ASTN1: variants seen among roughly 807,000 people sequenced by gnomAD.
ASTN1 encodes astrotactin-1.
ASTN1 carries 41 observed loss-of-function variants against 140.7 expected under a neutral mutation model. That is an observed-to-expected ratio of 0.29 (90% CI 0.23 to 0.38). The LOEUF is 0.38. Among genes scored for constraint, ASTN1 ranks in the 10% least tolerant of loss-of-function variants. The pLI is 1.00. For synonymous variants in ASTN1, 640 were observed against 652.2 expected (o/e 0.98, Z 0.29); for missense variants, 1,479 against 1,678.8 (o/e 0.88, Z 2.08).
At chr1:177,031,517 T>G (rs563613658) in intron 3 of ASTN1, among the ~76,000 whole-genome samples, 66 of 152,368 alleles carry the variant, frequency 4.3e-4, no homozygotes, top group South Asian at 2.3e-3. Context: ...GAAGAGATGT[T>G]GATGATATGT....
chr1:176,984,754 G>T (rs1311981193), intron 8 of ASTN1, among the ~76,000 whole-genome samples: 1 of 152,042 alleles, frequency 6.6e-6, no homozygotes, highest in African/African-American at 2.4e-5. Context: ...GACAAAACAG[G>T]GCAAGCATAA....
intron 1 of ASTN1, among the ~76,000 whole-genome samples, chr1:177,072,454 AG>A (rs1365016409): frequency 6.6e-6 from 1 of 152,126 alleles, no homozygotes; most frequent in African/African-American, 2.4e-5. Flanking sequence ...TCATCACTGA[AG>A]GGGTTAAGAT....
intron 1 of ASTN1, among the ~76,000 whole-genome samples, chr1:177,128,236 C>T (rs918340377): frequency 1.3e-5 from 2 of 152,058 alleles, no homozygotes; most frequent in African/African-American, 4.8e-5. Flanking sequence ...TCTCACAAGC[C>T]TTTCTGAAGA....
chr1:176,950,457 G>A (rs116387548), intron 11 of ASTN1, among the ~76,000 whole-genome samples: 293 of 152,226 alleles, frequency 1.9e-3, no homozygotes, highest in Middle Eastern at 0.01. Flanking sequence ...CTTATGAGGA[G>A]CTTGGCACTA....
intron 16 of ASTN1, among the ~76,000 whole-genome samples, chr1:176,919,837 C>G (rs1670655747): frequency 1.3e-5 from 2 of 152,188 alleles, no homozygotes; most frequent in Admixed American, 6.5e-5. Context: ...GCGGAATAAA[C>G]CTGACTGAAG....
chr1:177,014,778 T>C lies in ASTN1; in HGVS notation c.1523+13A>G. 4.4e-6 allele frequency: 7 copies of C among 1,609,174 alleles called. No homozygotes were observed. The highest frequency in any genetic ancestry group is 6.0e-6 in the Non-Finnish European group (7 of 1,175,588). ...TATGTGGGAACCAGCTAAGTCGTCATGCCCTCACTTACCCCTGGTTTGTCC... is the reference window on the plus strand; with the variant it reads ...TATGTGGGAACCAGCTAAGTCGTCACGCCCTCACTTACCCCTGGTTTGTCC... On this transcript the variant is annotated intron_variant, in intron 8 of 22. Coordinates refer to ENST00000361833, the MANE Select transcript of ASTN1 (RefSeq NM_004319.3).
chr1:177,012,450 T>C (rs1035695868), intron 8 of ASTN1, among the ~76,000 whole-genome samples: 1 of 152,188 alleles, frequency 6.6e-6, no homozygotes, highest in Non-Finnish European at 1.5e-5. Flanking sequence ...AGTTGCTCCA[T>C]TATTTTATTA....
chr1:177,144,473 T>C (rs1402387024), intron 1 of ASTN1, among the ~76,000 whole-genome samples: 21 of 146,544 alleles, frequency 1.4e-4, no homozygotes, highest in East Asian at 6.0e-4. Context: ...AGGATGGTCT[T>C]GATCTCCTGA....
chr1:176,952,292 C>T (rs35513297), intron 11 of ASTN1, among the ~76,000 whole-genome samples: 16 of 151,968 alleles, frequency 1.1e-4, no homozygotes, highest in Admixed American at 2.6e-4. Context: ...CACACACACA[C>T]GCACATGCAT....
intron 2 of ASTN1, among the ~76,000 whole-genome samples, chr1:177,059,186 T>C: frequency 6.6e-6 from 1 of 152,180 alleles, no homozygotes. Context: ...AAACCACCCA[T>C]GACCACCATT....
chr1:177,071,460 T>C (rs908327154), intron 1 of ASTN1, among the ~76,000 whole-genome samples: 17 of 152,220 alleles, frequency 1.1e-4, no homozygotes, highest in Non-Finnish European at 2.5e-4. Context: ...TAGACTAGTC[T>C]GTGTGAGCAC....
At chr1:176,992,885 A>C (rs778316267) in intron 8 of ASTN1, among the ~76,000 whole-genome samples, 1 of 152,210 alleles carries the variant, frequency 6.6e-6, no homozygotes, top group Non-Finnish European at 1.5e-5. Context: ...TTGAAGACCC[A>C]AGTCCCCATG....
chr1:176,860,381 A>G (rs905578223), downstream of ASTN1, among the ~76,000 whole-genome samples: 1 of 152,236 alleles, frequency 6.6e-6, no homozygotes, highest in African/African-American at 2.4e-5. Flanking sequence ...ACTTTTCAAG[A>G]GGACCTATTA....
chr1:177,055,764 T>C (rs1367700922), intron 2 of ASTN1, among the ~76,000 whole-genome samples: 3 of 152,212 alleles, frequency 2.0e-5, no homozygotes, highest in Non-Finnish European at 4.4e-5. Context: ...CTGGTCCTGA[T>C]AAATTAGAGC....
At chr1:177,161,275 G>T (rs977712158) in intron 1 of ASTN1, among the ~76,000 whole-genome samples, 18 of 152,198 alleles carry the variant, frequency 1.2e-4, no homozygotes, top group African/African-American at 3.4e-4. Flanking sequence ...ATGTCACAAG[G>T]CTCTGTCCAG....
chr1:177,149,542 A>ACAGT lies in ASTN1; in HGVS notation c.283+14851_283+14852insACTG, dbSNP rs1235422670. Among the ~76,000 whole-genome samples, 689 of 73,666 alleles carry ACAGT rather than the reference A, an allele frequency of 9.4e-3. 118 individuals carry two copies. Among genetic ancestry groups the ACAGT allele is most frequent in the African/African-American group, 0.037 (399 of 10,864 alleles). 48.3% of individuals were successfully genotyped at this position (73,666 alleles called of 152,430 possible). ...TAGTATATATATAGTAAATATATAT[A>ACAGT]GTATATATATAGTAAATATATATAC... On this transcript the variant is annotated intron_variant, in intron 1 of 22. Transcript: ENST00000361833.
intron 1 of ASTN1, among the ~76,000 whole-genome samples, chr1:177,081,651 C>A (rs376268890): frequency 1.2e-4 from 18 of 152,088 alleles, no homozygotes; most frequent in African/African-American, 4.1e-4. Context: ...GCAGTGATGG[C>A]AGGGTGCCTT....
At chr1:176,900,716 G>A (rs1415387345) in intron 16 of ASTN1, among the ~76,000 whole-genome samples, 1 of 152,162 alleles carries the variant, frequency 6.6e-6, no homozygotes, top group African/African-American at 2.4e-5. Flanking sequence ...AACTGATTTA[G>A]TAAAGGTGTA....
At chr1:177,059,232 C>G (rs561550882) in intron 2 of ASTN1, among the ~76,000 whole-genome samples, 1 of 152,094 alleles carries the variant, frequency 6.6e-6, no homozygotes, top group African/African-American at 2.4e-5. Context: ...GGATGGCTGA[C>G]GAGAAATCCA....
Sources: allele counts gnomAD v4.1 joint callset (sites outside exome capture counted in the v4.1 genomes callset), GRCh38; gene constraint gnomAD v4.1.1; transcripts MANE v1.5; gene names NCBI Gene and HGNC (gene_info 2026-07-23, HGNC 2026-07-21).